The following SH2D4A variants were observed in gnomAD, a reference collection of about 807,000 sequenced individuals.
SH2D4A encodes the protein SH2 domain-containing protein 4A.
Under a neutral mutation model 64.7 loss-of-function variants are expected in SH2D4A, and 70 were observed. That is an observed-to-expected ratio of 1.08 (90% CI 0.89 to 1.32). SH2D4A has a LOEUF of 1.32. SH2D4A is among the 40% of genes most tolerant of loss of function. SH2D4A has a pLI of 0.00. For synonymous variants in SH2D4A, 268 were observed against 200.7 expected (o/e 1.34, Z -2.83); for missense variants, 706 against 540.1 (o/e 1.31, Z -3.04).
Position 19,393,538 on chromosome 8 carries a change from C to G in SH2D4A, c.1269C>G (p.His423Gln), listed in dbSNP as rs147427202. Residue 423 changes from histidine (H) to glutamine (Q), a missense_variant, in exon 9 of 10, where the codon CAC (histidine) becomes CAG (glutamine). Physicochemically the swap from His to Gln is conservative, Grantham distance 24. Coordinates refer to ENST00000265807, the MANE Select transcript of SH2D4A (RefSeq NM_022071.4). ...CCTTGGCGGATTTGGTGGAATATCACAAGGTGAAGCAATGCATAAACTTAA... is the reference window on the plus strand; with the variant it reads ...CCTTGGCGGATTTGGTGGAATATCAGAAGGTGAAGCAATGCATAAACTTAA... Reference protein sequence around the residue: ...HATLADLVEYHKEEPITSLGK... With the variant: ...HATLADLVEYQKEEPITSLGK... 3.1e-6 allele frequency: 5 copies of G among 1,613,968 alleles called. No individual in the cohort carries two copies. Among genetic ancestry groups the G allele is most frequent in the Non-Finnish European group, 4.2e-6 (5 of 1,180,006 alleles).
At chr8:19,359,478 G>A (rs1268967961) in intron 5 of SH2D4A, among the ~76,000 whole-genome samples, 2 of 152,218 alleles carry the variant, frequency 1.3e-5, no homozygotes, top group South Asian at 2.1e-4. Context: ...AAATAAACAC[G>A]TATGCATGTG....
In SH2D4A at chr8:19,361,153, T is replaced by C. The variant is rs751416436; in HGVS notation, c.595-50T>C. On this transcript the variant is annotated intron_variant, in intron 5 of 9. Coordinates refer to ENST00000265807, the MANE Select transcript of SH2D4A (RefSeq NM_022071.4). ...CTGCTGGATTTGCTCACCAAGGTTC[T>C]TTTTTTGTTTTGTTTTGTTTTTGTT... 8 of 1,153,760 alleles carry C rather than the reference T, an allele frequency of 6.9e-6. No homozygotes were observed. The South Asian group carries it at 7.4e-5, about 11-fold the overall frequency. 71.5% of individuals were successfully genotyped at this position (1,153,760 alleles called of 1,614,324 possible).
intron 8 of SH2D4A, among the ~76,000 whole-genome samples, chr8:19,380,496 C>G (rs1455189622): frequency 1.3e-5 from 2 of 151,986 alleles, no homozygotes; most frequent in African/African-American, 2.4e-5. Flanking sequence ...TAAAAGTGTT[C>G]CAGTTTTAGG....
Position 19,319,680 on chromosome 8 carries a change from G to A in SH2D4A, c.133G>A (p.Ala45Thr). Residue 45 changes from alanine to threonine, a missense_variant, in exon 2 of 10, where the codon GCT becomes ACT. By Grantham distance (58) the Ala-to-Thr change is moderately conservative. Coordinates refer to ENST00000265807, the MANE Select transcript of SH2D4A (RefSeq NM_022071.4). Reference protein sequence around the residue: ...QIRRWKEREAAMERKESLPVK... With the variant: ...QIRRWKEREATMERKESLPVK... ...CCGACGATGGAAAGAAAGAGAAGCA[G>A]CTATGGAAAGAAAGGAGTCCCTGCC... The A allele has an allele frequency of 1.2e-6, 2 of 1,607,944 alleles. No homozygotes were observed. Among genetic ancestry groups the A allele is most frequent in the African/African-American group, 2.7e-5 (2 of 74,660 alleles).
intron 2 of SH2D4A, among the ~76,000 whole-genome samples, chr8:19,327,465 G>C (rs774379275): frequency 4.7e-4 from 71 of 152,304 alleles, no homozygotes; most frequent in Non-Finnish European, 9.0e-4. Flanking sequence ...GAAGTACACT[G>C]CTTACAGAAA....
rs2052142488 is a variant in SH2D4A, at chr8:19,319,210, T to G, written c.-204-134T>G. The G allele has an allele frequency of 1.2e-5, 6 of 521,406 alleles. No homozygotes were observed. In the South Asian group the frequency reaches 4.3e-4, roughly 37 times the overall value. The allele number at this position is 521,406 out of a possible 1,614,324, so 32.3% of individuals were successfully genotyped here. A position where few individuals can be genotyped will look rare whatever the true frequency, so the allele number is the denominator to read the frequency against. ...AACTCTTAACAAAGTGTGCCTCAGA[T>G]TTTCTTCTTCTCTTTTCTCTCTGAA... On this transcript the variant is annotated intron_variant, in intron 1 of 9. Coordinates refer to ENST00000265807, the MANE Select transcript of SH2D4A (RefSeq NM_022071.4).
intron 4 of SH2D4A, among the ~76,000 whole-genome samples, chr8:19,347,624 C>G (rs937308011): frequency 6.6e-6 from 1 of 152,202 alleles, no homozygotes; most frequent in Non-Finnish European, 1.5e-5. Context: ...TTGAATAAAA[C>G]TATATCTGCT....
chr8:19,347,391 G>A (rs1038333057), intron 4 of SH2D4A, among the ~76,000 whole-genome samples: 5 of 152,178 alleles, frequency 3.3e-5, no homozygotes, highest in African/African-American at 7.2e-5. Context: ...TGAACTGCGA[G>A]TCCCCTGCAG....
In SH2D4A at chr8:19,361,214, T is replaced by G; in HGVS notation, c.606T>G (p.Ser202=). Residue 202 remains serine, a synonymous_variant, in exon 6 of 10, where the codon TCT becomes TCG. Coordinates refer to ENST00000265807, the MANE Select transcript of SH2D4A (RefSeq NM_022071.4). ...TTGTTTTTAAACAGAAGAAAGAATC[T>G]ATGAAGAAAAAACAAGATGAAGAAA... ...KAYAFHQKKE[S]MKKKQDEEIN... 6.6e-7 allele frequency: 1 copy of G among 1,515,336 alleles called. No individual in the cohort carries two copies. Among genetic ancestry groups the G allele is most frequent in the Non-Finnish European group, 9.1e-7 (1 of 1,101,176 alleles). 93.9% of individuals were successfully genotyped at this position (1,515,336 alleles called of 1,614,324 possible). A position where few individuals can be genotyped will look rare whatever the true frequency, so the allele number is the denominator to read the frequency against.
At chr8:19,378,041 T>C (rs1172573493) in intron 8 of SH2D4A, among the ~76,000 whole-genome samples, 1 of 152,226 alleles carries the variant, frequency 6.6e-6, no homozygotes, top group Non-Finnish European at 1.5e-5. Flanking sequence ...TACTAATTTA[T>C]AGTGAGACTG....
At chr8:19,361,130 G>A in intron 5 of SH2D4A, 73 bp from the exon 6 acceptor site, 1 of 809,580 alleles carries the variant, frequency 1.2e-6, no homozygotes, top group Non-Finnish European at 1.9e-6. Context: ...TCAGGAAACT[G>A]CTGGATTTGC....
At chr8:19,314,165 T>G in intron 1 of SH2D4A, 1 of 977,780 alleles carries the variant, frequency 1.0e-6, no homozygotes, top group Non-Finnish European at 1.3e-6. Flanking sequence ...CTGAGGACCT[T>G]CGGGGAAGTT....
intron 8 of SH2D4A, among the ~76,000 whole-genome samples, chr8:19,390,150 GT>G (rs2053466392): frequency 6.6e-6 from 1 of 152,168 alleles, no homozygotes; most frequent in Non-Finnish European, 1.5e-5. Context: ...GGAGGCCGAG[GT>G]GGGCAGATCA....
intron 4 of SH2D4A, among the ~76,000 whole-genome samples, chr8:19,338,009 C>G (rs781399525): frequency 6.6e-6 from 1 of 152,168 alleles, no homozygotes; most frequent in Non-Finnish European, 1.5e-5. Context: ...GGGGGCATAG[C>G]CCTGCACAGC....
intron 2 of SH2D4A, among the ~76,000 whole-genome samples, chr8:19,327,199 G>A (rs2052295760): frequency 6.6e-6 from 1 of 152,136 alleles, no homozygotes; most frequent in Non-Finnish European, 1.5e-5. Context: ...AACACTTCAA[G>A]AAACCCCCAA....
At chr8:19,390,968 G>T (rs889244188) in intron 8 of SH2D4A, among the ~76,000 whole-genome samples, 2 of 152,146 alleles carry the variant, frequency 1.3e-5, no homozygotes, top group African/African-American at 4.8e-5. Context: ...GTCATAAATT[G>T]TAACACCTGC....
intron 4 of SH2D4A, among the ~76,000 whole-genome samples, chr8:19,355,736 T>C (rs2052781558): frequency 6.6e-6 from 1 of 152,180 alleles, no homozygotes; most frequent in South Asian, 2.1e-4. Context: ...ACTAAGACAC[T>C]AACATGGTGC....
chr8:19,383,301 G>T (rs1199923744), intron 8 of SH2D4A, among the ~76,000 whole-genome samples: 1 of 151,360 alleles, frequency 6.6e-6, no homozygotes, highest in African/African-American at 2.4e-5. Context: ...CAAGTTCAGT[G>T]ATTCTTTCTT....
At position 19,394,884 on chromosome 8, in the gene SH2D4A, G is replaced by GTCAT; in HGVS notation, c.*243_*246dup. ...AGAGTCTCAATTTCAGCAAGTACCT[G>GTCAT]TCATGAAGGGTATGACCTTAATGAT... On this transcript the variant is annotated 3_prime_UTR_variant, in exon 10 of 10. Transcript: ENST00000265807. 8.4e-6 allele frequency: 3 copies of GTCAT among 355,786 alleles called. No individual in the cohort carries two copies. The highest frequency in any genetic ancestry group is 1.5e-5 in the Non-Finnish European group (3 of 197,934). The allele number at this position is 355,786 out of a possible 1,614,324, so 22.0% of individuals were successfully genotyped here.
Sources: gnomAD v4.1 joint callset for allele counts (sites outside exome capture counted in the v4.1 genomes callset) on GRCh38, gnomAD v4.1.1 for gene constraint, MANE v1.5 for transcripts, NCBI Gene and HGNC (gene_info 2026-07-23, HGNC 2026-07-21) for gene names.